ST7: variants seen among roughly 807,000 people sequenced by gnomAD.
ST7 encodes suppressor of tumorigenicity 7 protein.
A neutral mutation model predicts 78.7 loss-of-function variants in ST7; 28 were observed. The ratio of observed to expected loss-of-function variants is 0.36; its 90% CI spans 0.26 to 0.49. ST7 has a LOEUF of 0.49. Ranked by LOEUF, ST7 falls within the 20% of genes least tolerant of loss-of-function variation. ST7 has a pLI of 0.99. For synonymous variants in ST7, 247 were observed against 249.6 expected (o/e 0.99, Z 0.10); for missense variants, 418 against 696.0 (o/e 0.60, Z 4.49).
intron 1 of ST7, among the ~76,000 whole-genome samples, chr7:116,976,030 G>A (rs1187519509): frequency 1.3e-5 from 2 of 152,136 alleles, no homozygotes; most frequent in Non-Finnish European, 1.5e-5. Flanking sequence ...GGAGGCCGAG[G>A]CAGGCAGATC....
intron 1 of ST7, among the ~76,000 whole-genome samples, chr7:117,031,889 T>A (rs1450053758): frequency 1.8e-4 from 27 of 147,590 alleles, no homozygotes; most frequent in African/African-American, 6.2e-4. Flanking sequence ...TATATTTTTT[T>A]TTTTTTTTTG....
chr7:117,122,152 G>A (rs925234102), intron 3 of ST7, among the ~76,000 whole-genome samples: 4 of 152,268 alleles, frequency 2.6e-5, no homozygotes, highest in East Asian at 1.9e-4. Context: ...AGACTTGTAG[G>A]CAGAGCATCA....
intron 12 of ST7, among the ~76,000 whole-genome samples, chr7:117,204,138 A>C (rs1791508849): frequency 6.6e-6 from 1 of 152,212 alleles, no homozygotes; most frequent in African/African-American, 2.4e-5. Flanking sequence ...CTGCTACTAC[A>C]ATAAAAGTGC....
intron 1 of ST7, among the ~76,000 whole-genome samples, chr7:117,014,164 CA>C (rs1795497908): frequency 6.6e-6 from 1 of 151,610 alleles, no homozygotes; most frequent in African/African-American, 2.4e-5. Flanking sequence ...AGGTTGCTTA[CA>C]AAAAAAGATA....
chr7:117,174,280 A>G (rs886167463), intron 10 of ST7, among the ~76,000 whole-genome samples: 12 of 152,342 alleles, frequency 7.9e-5, no homozygotes, highest in African/African-American at 2.6e-4. Context: ...CTGGTTCTAT[A>G]ATGTTCTTCA....
intron 1 of ST7, among the ~76,000 whole-genome samples, chr7:116,963,528 G>A (rs1437114780): frequency 6.6e-6 from 1 of 152,178 alleles, no homozygotes; most frequent in African/African-American, 2.4e-5. Flanking sequence ...GCAAAGTAAG[G>A]CAACATTTAT....
chr7:117,204,539 G>A (rs762810427), intron 12 of ST7, among the ~76,000 whole-genome samples: 2 of 152,128 alleles, frequency 1.3e-5, no homozygotes, highest in Non-Finnish European at 2.9e-5. Context: ...CTCCATCACC[G>A]CATGATCTGA....
intron 9 of ST7, among the ~76,000 whole-genome samples, chr7:117,152,877 C>CAG (rs141833976): frequency 3.3e-5 from 5 of 151,394 alleles, no homozygotes; most frequent in South Asian, 2.1e-4. Context: ...ATGTCTGTCT[C>CAG]AGAGAGAGAG....
intron 1 of ST7, among the ~76,000 whole-genome samples, chr7:117,063,531 A>AC (rs1441994111): frequency 6.6e-6 from 1 of 152,112 alleles, no homozygotes; most frequent in African/African-American, 2.4e-5. Flanking sequence ...CACTGTGGTG[A>AC]AAGCCTATCT....
chr7:117,126,970 T>C (rs1479659215), intron 3 of ST7, among the ~76,000 whole-genome samples: 2 of 151,906 alleles, frequency 1.3e-5, no homozygotes, highest in African/African-American at 2.4e-5. Context: ...TGTCAGCACT[T>C]GTGAGTAGAG....
At chr7:117,044,351 T>C (rs955706083) in intron 1 of ST7, among the ~76,000 whole-genome samples, 2 of 152,136 alleles carry the variant, frequency 1.3e-5, no homozygotes, top group Non-Finnish European at 2.9e-5. Flanking sequence ...CTAGGTGCTT[T>C]GTATATTCAT....
chr7:117,020,627 C>A (rs1202293067), intron 1 of ST7: 1 of 1,550,680 alleles, frequency 6.4e-7, no homozygotes, highest in Non-Finnish European at 8.7e-7. Flanking sequence ...ACTGAATCTT[C>A]ATGTAAGTAA....
chr7:117,008,057 G>A lies in ST7; in HGVS notation c.151+54366G>A, dbSNP rs1563008181. ...TTTTCAATAGCCTTTCAAAAAACCA[G>A]AGACAAAAAAGCAGAGAGGAAATTA... On this transcript the variant is annotated intron_variant, in intron 1 of 15. Transcript: ENST00000323984. Among the ~76,000 whole-genome samples the A allele has an allele frequency of 2.6e-5, 4 of 152,178 alleles. No homozygotes were observed. In the South Asian group the frequency reaches 8.3e-4, roughly 32 times the overall value.
At chr7:116,990,529 A>G (rs893917817) in intron 1 of ST7, among the ~76,000 whole-genome samples, 4 of 152,180 alleles carry the variant, frequency 2.6e-5, no homozygotes, top group Non-Finnish European at 5.9e-5. Flanking sequence ...AAAATAAAAG[A>G]TGGTAGAAGT....
intron 12 of ST7, among the ~76,000 whole-genome samples, chr7:117,196,144 C>T (rs1251668889): frequency 6.6e-6 from 1 of 152,206 alleles, no homozygotes; most frequent in Non-Finnish European, 1.5e-5. Flanking sequence ...ATATATGCCA[C>T]ATTGTCTTTA....
At chr7:117,177,865 T>C (rs1417751265) in intron 10 of ST7, among the ~76,000 whole-genome samples, 2 of 152,238 alleles carry the variant, frequency 1.3e-5, no homozygotes, top group Non-Finnish European at 2.9e-5. Context: ...TGTATGTCTA[T>C]TGTTTTCTTT....
intron 1 of ST7, among the ~76,000 whole-genome samples, chr7:117,099,076 A>AAAAAAG (rs1801367420): frequency 6.7e-6 from 1 of 148,860 alleles, no homozygotes; most frequent in Admixed American, 6.7e-5. Context: ...CAAAAAAAAA[A>AAAAAAG]GAAGAAGAAG....
At chr7:116,972,706 C>T in intron 1 of ST7, 13 of 926,488 alleles carry the variant, frequency 1.4e-5, no homozygotes, top group Non-Finnish European at 1.8e-5. Context: ...AGTGGCTGGG[C>T]GCTCCTGAGC....
chr7:117,119,320 G>A (rs1803171733), intron 2 of ST7, among the ~76,000 whole-genome samples: 1 of 152,120 alleles, frequency 6.6e-6, no homozygotes, highest in Non-Finnish European at 1.5e-5. Flanking sequence ...GTTCTTAACA[G>A]TGTTCTTTTA....
Sources: allele counts gnomAD v4.1 joint callset (sites outside exome capture counted in the v4.1 genomes callset), GRCh38; gene constraint gnomAD v4.1.1; transcripts MANE v1.5; gene names NCBI Gene and HGNC (gene_info 2026-07-23, HGNC 2026-07-21).